The following MAPK8 variants were observed in gnomAD, a reference collection of about 807,000 sequenced individuals.
The protein encoded by MAPK8 is mitogen-activated protein kinase 8, also known as JUN N-terminal kinase.
A neutral mutation model predicts 52.9 loss-of-function variants in MAPK8; 13 were observed. The observed-to-expected ratio is 0.25, with a 90% confidence interval of 0.16 to 0.39. The LOEUF is 0.39. Among genes scored for constraint, MAPK8 ranks in the 10% least tolerant of loss-of-function variants. The pLI is 1.00. For synonymous variants in MAPK8, 191 were observed against 169.8 expected, an observed-to-expected ratio of 1.12 and a Z score of -0.97; for missense variants, 300 against 519.2, an observed-to-expected ratio of 0.58 and a Z score of 4.10.
intron 2 of MAPK8, among the ~76,000 whole-genome samples, chr10:48,404,063 G>A (rs1379176707): frequency 2.0e-5 from 3 of 151,844 alleles, no homozygotes; most frequent in South Asian, 2.1e-4. Flanking sequence ...GATTACAGGC[G>A]TGAGCCACTG....
chr10:48,370,152 A>C (rs2132618770), intron 1 of MAPK8, among the ~76,000 whole-genome samples: 1 of 152,310 alleles, frequency 6.6e-6, no homozygotes, highest in East Asian at 1.9e-4. Flanking sequence ...AGAGTGAAGC[A>C]AAAGTATGTG....
At chr10:48,380,018 C>T (rs574189650) in intron 1 of MAPK8, among the ~76,000 whole-genome samples, 16 of 148,954 alleles carry the variant, frequency 1.1e-4, no homozygotes, top group Admixed American at 3.3e-4. Flanking sequence ...CTGAGGTGAG[C>T]GGATCATGAG....
chr10:48,422,006 C>CTTATTTATTTAT (rs199974312), intron 6 of MAPK8, among the ~76,000 whole-genome samples: 1,789 of 143,886 alleles, frequency 0.012, 17 homozygotes, highest in East Asian at 0.021. Context: ...TTTTATTTAT[C>CTTATTTATTTAT]TTATTTATTT....
rs906470647 is a variant in MAPK8 at position 48,372,675 on chromosome 10, G to GA, written c.-49-28926dup. ...TAAAGTAAGAAGACCAGATTAGAGA[G>GA]AAAAAAAAAAAGAGTGAAAAGAAAC... On this transcript the variant is annotated intron_variant, in intron 1 of 11. Coordinates refer to ENST00000374189, the MANE Select transcript of MAPK8 (RefSeq NM_001323329.2). 1.6e-3 allele frequency among the ~76,000 whole-genome samples: 222 copies of GA among 138,044 alleles called. 1 individual carries two copies. The highest frequency in any genetic ancestry group is 2.9e-3 in the East Asian group (14 of 4,800). The allele number at this position is 138,044 out of a possible 152,430, so 90.6% of individuals were successfully genotyped here. A position where few individuals can be genotyped will look rare whatever the true frequency, so the allele number is the denominator to read the frequency against.
intron 1 of MAPK8, among the ~76,000 whole-genome samples, chr10:48,379,977 C>T (rs966175826): frequency 6.9e-6 from 1 of 145,128 alleles, no homozygotes; most frequent in African/African-American, 2.5e-5. Flanking sequence ...GATGCAGTGG[C>T]TCACGCCTGT....
intron 1 of MAPK8, among the ~76,000 whole-genome samples, chr10:48,330,744 C>G (rs901720769): frequency 2.6e-5 from 4 of 152,270 alleles, no homozygotes; most frequent in South Asian, 2.1e-4. Context: ...TTACAGTCTT[C>G]CCGGACGTTG....
Position 48,321,691 on chromosome 10 carries a change from G to A in MAPK8, c.-50+14870G>A, listed in dbSNP as rs187527149. Among the ~76,000 whole-genome samples the A allele has an allele frequency of 5.3e-3, 804 of 152,200 alleles. 9 individuals carry two copies. Among genetic ancestry groups the A allele is most frequent in the African/African-American group, 0.018 (751 of 41,518 alleles). ...TTTTGAGTTAATTTTATGGTGTATGGTATAAGGAAGGCATGTGAGGTAATT... is the reference window on the plus strand; with the variant it reads ...TTTTGAGTTAATTTTATGGTGTATGATATAAGGAAGGCATGTGAGGTAATT... On this transcript the variant is annotated intron_variant, in intron 1 of 11. Coordinates refer to ENST00000374189, the MANE Select transcript of MAPK8 (RefSeq NM_001323329.2).
chr10:48,424,527 A>C, intron 7 of MAPK8: 1 of 1,592,350 alleles, frequency 6.3e-7, no homozygotes, highest in Non-Finnish European at 8.5e-7. Context: ...ACATTTGGTC[A>C]GTTGGGTGCA....
chr10:48,368,415 C>T (rs1225316962), intron 1 of MAPK8, among the ~76,000 whole-genome samples: 1 of 152,168 alleles, frequency 6.6e-6, no homozygotes, highest in African/African-American at 2.4e-5. Context: ...AGATTCCTCC[C>T]TGTCCTCTCC....
intron 1 of MAPK8, among the ~76,000 whole-genome samples, chr10:48,384,831 A>C (rs1237434659): frequency 6.6e-6 from 1 of 152,222 alleles, no homozygotes; most frequent in Admixed American, 6.5e-5. Flanking sequence ...TCCTGCTCAC[A>C]GTGCCAGAAA....
At chr10:48,398,938 G>A (rs949518916) in intron 1 of MAPK8, among the ~76,000 whole-genome samples, 6 of 152,142 alleles carry the variant, frequency 3.9e-5, no homozygotes, top group African/African-American at 1.2e-4. Context: ...TGATGGTTAC[G>A]TAATTGTATA....
chr10:48,399,998 T>C (rs1371447159), intron 1 of MAPK8, among the ~76,000 whole-genome samples: 2 of 152,250 alleles, frequency 1.3e-5, no homozygotes, highest in Non-Finnish European at 2.9e-5. Flanking sequence ...ATAAAGGGCT[T>C]GACAGCCAAC....
chr10:48,415,410 A>G lies in MAPK8; in HGVS notation c.451-4745A>G, dbSNP rs376479530. On this transcript the variant is annotated intron_variant, in intron 5 of 11. Transcript: ENST00000374189. Reference sequence around the variant, plus strand: ...ACCAAATGGTAGAAGATAGAAAACAATGGAAACAACAAGAACCACAAAAAA... The same window carrying G: ...ACCAAATGGTAGAAGATAGAAAACAGTGGAAACAACAAGAACCACAAAAAA... Among the ~76,000 whole-genome samples, 44 of 152,356 alleles carry G rather than the reference A, an allele frequency of 2.9e-4. No individual in the cohort carries two copies. In the East Asian group the frequency reaches 6.9e-3, roughly 24 times the overall value.
At chr10:48,419,869 T>G (rs2289805) in intron 5 of MAPK8, among the ~76,000 whole-genome samples, 19,471 of 152,276 alleles carry the variant, frequency 0.13, 2,147 homozygotes, top group East Asian at 0.63. Flanking sequence ...TTGCGATGTC[T>G]TTTCAAATCC....
chr10:48,348,950 C>CA (rs57696845), intron 1 of MAPK8, among the ~76,000 whole-genome samples: 1,420 of 132,412 alleles, frequency 0.011, 7 homozygotes, highest in Non-Finnish European at 0.013. Flanking sequence ...AAATGGAAAG[C>CA]AAAAAAAAAA....
intron 1 of MAPK8, among the ~76,000 whole-genome samples, chr10:48,355,872 G>C (rs1846869713): frequency 6.6e-6 from 1 of 152,126 alleles, no homozygotes; most frequent in African/African-American, 2.4e-5. Context: ...TGATATATCT[G>C]GGGAGGAAGA....
intron 1 of MAPK8, among the ~76,000 whole-genome samples, chr10:48,387,168 G>A (rs1324004743): frequency 6.6e-6 from 1 of 152,144 alleles, no homozygotes; most frequent in Non-Finnish European, 1.5e-5. Flanking sequence ...TTTGTGGGTG[G>A]GGGTCAGATT....
Position 48,426,057 on chromosome 10 carries a change from C to T in MAPK8, c.858C>T (p.His286=), listed in dbSNP as rs1360171011. 4 of 1,609,834 alleles carry T rather than the reference C, an allele frequency of 2.5e-6. No homozygotes were observed. Among genetic ancestry groups the T allele is most frequent in the Non-Finnish European group, 3.4e-6 (4 of 1,178,176 alleles). Residue 286 remains histidine (H), a synonymous_variant, in exon 8 of 12, where the codon CAC becomes CAT. Coordinates refer to ENST00000374189, the MANE Select transcript of MAPK8 (RefSeq NM_001323329.2). ...TCCTTTTCCCAGCTGACTCAGAACA[C>T]AACAAACTTAAAGGTACTTTTTACA... The part of the protein sequence containing the change: ...PDVLFPADSE[H]NKLKASQARD...
At chr10:48,372,826 GAA>G (rs1393117206) in intron 1 of MAPK8, among the ~76,000 whole-genome samples, 17 of 152,140 alleles carry the variant, frequency 1.1e-4, no homozygotes, top group Admixed American at 9.8e-4. Flanking sequence ...TTATCCAGGA[GAA>G]GTTCCCCAAC....
Sources: allele counts gnomAD v4.1 joint callset (sites outside exome capture counted in the v4.1 genomes callset), GRCh38; gene constraint gnomAD v4.1.1; transcripts MANE v1.5; gene names NCBI Gene and HGNC (gene_info 2026-07-23, HGNC 2026-07-21).